ANKRD26: variants seen among roughly 807,000 people sequenced by gnomAD.
ANKRD26 encodes the protein ankyrin repeat domain-containing protein 26.
Under a neutral mutation model 208.7 loss-of-function variants are expected in ANKRD26, and 141 were observed. The observed-to-expected ratio is 0.68, with a 90% CI of 0.59 to 0.78. ANKRD26 has a LOEUF of 0.78. Among genes scored for constraint, ANKRD26 ranks in the 30% least tolerant of loss-of-function variants. The pLI, the probability that ANKRD26 is intolerant of heterozygous loss-of-function variation, is 0.00. For missense variants in ANKRD26, 1,889 were observed against 1,938.7 expected, an observed-to-expected ratio of 0.97 and a Z score of 0.48; for synonymous variants, 636 against 660.4, an observed-to-expected ratio of 0.96 and a Z score of 0.57.
intron 15 of ANKRD26, among the ~76,000 whole-genome samples, chr10:27,054,478 G>A (rs1009039384): frequency 3.9e-5 from 6 of 152,008 alleles, no homozygotes; most frequent in African/African-American, 9.7e-5. Context: ...CCAGCTACTC[G>A]GGAGGCTGAG....
rs1352652692 is a variant in ANKRD26 at position 27,005,359 on chromosome 10, G to C, written c.*231C>G. The C allele has an allele frequency of 8.1e-7, 1 of 1,237,698 alleles. No homozygotes were observed. The highest frequency in any genetic ancestry group is 1.5e-5 in the African/African-American group (1 of 64,536). 76.7% of individuals were successfully genotyped at this position (1,237,698 alleles called of 1,614,324 possible). ...ACTTAGTGGTTTGGCTGTTTAAACA[G>C]CTCACATTTGGGCAGTTTGAGTATG... On this transcript the variant is annotated 3_prime_UTR_variant, in exon 34 of 34. Transcript: ENST00000376087.
chr10:27,067,433 T>TA, intron 9 of ANKRD26, 147 bp from the exon 10 acceptor site: 1 of 888,230 alleles, frequency 1.1e-6, no homozygotes, highest in Non-Finnish European at 1.7e-6. Context: ...TTTTTTTTTT[T>TA]AAAGAAACAC....
intron 18 of ANKRD26, 149 bp from the exon 19 acceptor site, chr10:27,044,339 A>G (rs2135295731): frequency 1.4e-6 from 1 of 695,808 alleles, no homozygotes; most frequent in South Asian, 2.3e-5. Context: ...TACAGGTAAT[A>G]TAAAAGATAA....
At chr10:27,017,000 C>A (rs2053316814) in intron 30 of ANKRD26, among the ~76,000 whole-genome samples, 3 of 152,062 alleles carry the variant, frequency 2.0e-5, no homozygotes, top group African/African-American at 4.8e-5. Flanking sequence ...CCAGCCTGGG[C>A]AACAAAGCAA....
chr10:26,965,491 T>C, the ANKRD26 span, among the ~76,000 whole-genome samples: 2 of 152,140 alleles, frequency 1.3e-5, no homozygotes, highest in African/African-American at 4.8e-5. Context: ...TCAAGATGGA[T>C]TAAAGACTTA....
chr10:27,096,716 A>C (rs1488745283), intron 1 of ANKRD26, among the ~76,000 whole-genome samples: 1 of 150,672 alleles, frequency 6.6e-6, no homozygotes, highest in African/African-American at 2.5e-5. Context: ...CAGTGAGCCA[A>C]GATCATGCCA....
At chr10:26,995,083 G>A (rs1446494075) in exon 5 of ANKRD26, 3 of 470,990 alleles carry the variant, frequency 6.4e-6, no homozygotes, top group Non-Finnish European at 1.3e-5. Flanking sequence ...TTGCAGGTCT[G>A]TCCTGGAAGT....
chr10:26,988,786 C>T (rs138205289), downstream of ANKRD26, among the ~76,000 whole-genome samples: 2 of 151,582 alleles, frequency 1.3e-5, no homozygotes, highest in East Asian at 2.0e-4. Context: ...TGGCTCACAC[C>T]TATAGACCCA....
intron 9 of ANKRD26, among the ~76,000 whole-genome samples, chr10:27,073,150 G>C (rs1466781667): frequency 6.6e-6 from 1 of 152,202 alleles, no homozygotes; most frequent in Non-Finnish European, 1.5e-5. Flanking sequence ...TCCGCTTGTG[G>C]GAAGTTTCCT....
At chr10:26,964,214 T>C in the ANKRD26 span, among the ~76,000 whole-genome samples, 1 of 152,094 alleles carries the variant, frequency 6.6e-6, no homozygotes, top group African/African-American at 2.4e-5. Flanking sequence ...TGGCCTGTTG[T>C]ATTGTGTAAA....
At chr10:27,075,536 G>C (rs1025050528) in intron 9 of ANKRD26, among the ~76,000 whole-genome samples, 1 of 152,146 alleles carries the variant, frequency 6.6e-6, no homozygotes, top group Admixed American at 6.5e-5. Flanking sequence ...GATTCAACAA[G>C]AAGATCTAAG....
At chr10:27,036,686 C>G (rs2054056490) in intron 23 of ANKRD26, among the ~76,000 whole-genome samples, 1 of 152,102 alleles carries the variant, frequency 6.6e-6, no homozygotes. Flanking sequence ...GTTTCAAAAG[C>G]TCTTTGTACC....
At chr10:27,082,226 T>C (rs950336519) in intron 6 of ANKRD26, among the ~76,000 whole-genome samples, 5 of 152,158 alleles carry the variant, frequency 3.3e-5, no homozygotes, top group African/African-American at 1.2e-4. Flanking sequence ...TAACACAATA[T>C]GGTCTATAGG....
At chr10:27,042,798 C>CG (rs2054298276) in intron 20 of ANKRD26, among the ~76,000 whole-genome samples, 1 of 48,950 alleles carries the variant, frequency 2.0e-5, no homozygotes, top group Non-Finnish European at 4.4e-5. Flanking sequence ...CAAAAAAATA[C>CG]AAAAAAAAAA....
the ANKRD26 span, among the ~76,000 whole-genome samples, chr10:26,947,850 A>C: frequency 6.6e-6 from 1 of 152,242 alleles, no homozygotes; most frequent in Non-Finnish European, 1.5e-5. Flanking sequence ...GTTTAGTATA[A>C]AAATAATACT....
chr10:27,025,978 T>G (rs1302141555), intron 27 of ANKRD26, among the ~76,000 whole-genome samples: 2 of 152,232 alleles, frequency 1.3e-5, no homozygotes, highest in African/African-American at 2.4e-5. Context: ...AGTGTTATTT[T>G]CTCATCTTGT....
At chr10:27,054,669 G>A (rs897635674) in intron 15 of ANKRD26, among the ~76,000 whole-genome samples, 1 of 152,160 alleles carries the variant, frequency 6.6e-6, no homozygotes, top group African/African-American at 2.4e-5. Context: ...CAGACTAAAA[G>A]GGGTAAAGGG....
chr10:27,037,788 TA>T, intron 22 of ANKRD26, 82 bp downstream of exon 22: 1 of 1,134,566 alleles, frequency 8.8e-7, no homozygotes. Context: ...TAAACCTAGA[TA>T]ACATATATTA....
rs74877604 is a variant in ANKRD26 at position 27,047,348 on chromosome 10, C to T, written c.1815-825G>A. Among the ~76,000 whole-genome samples, 964 of 152,132 alleles carry T rather than the reference C, an allele frequency of 6.3e-3. 39 individuals carry two copies. In the East Asian group the frequency reaches 0.11, roughly 18 times the overall value. ...TGCAAATAAAATAATGGGCTGGTCACGGAGGCTCACACCTGTAATACCAGC... is the reference window on the plus strand; with the variant it reads ...TGCAAATAAAATAATGGGCTGGTCATGGAGGCTCACACCTGTAATACCAGC... On this transcript the variant is annotated intron_variant, in intron 17 of 33. Transcript: ENST00000376087.
Sources: allele counts gnomAD v4.1 joint callset (sites outside exome capture counted in the v4.1 genomes callset), GRCh38; gene constraint gnomAD v4.1.1; transcripts MANE v1.5; gene names NCBI Gene and HGNC (gene_info 2026-07-23, HGNC 2026-07-21).